RTL4: variants seen among roughly 807,000 people sequenced by gnomAD.
RTL4 encodes retrotransposon Gag-like protein 4.
Under a neutral mutation model 5.3 loss-of-function variants are expected in RTL4, and 4 were observed. The ratio of observed to expected loss-of-function variants is 0.75; its 90% CI spans 0.37 to 1.72. RTL4 has a LOEUF of 1.72. RTL4 is among the 40% of genes most tolerant of loss of function. RTL4 has a pLI of 0.04. For synonymous variants in RTL4, 98 were observed against 87.3 expected (o/e 1.12, Z -0.68); for missense variants, 260 against 227.1 (o/e 1.14, Z -0.93).
chrX:112,299,525 T>C, the RTL4 span, among the ~76,000 whole-genome samples: 1 of 111,986 alleles, frequency 8.9e-6, no homozygotes, highest in Non-Finnish European at 1.9e-5. Context: ...AAATGGCACC[T>C]GGGCCCTGGA....
the RTL4 span, among the ~76,000 whole-genome samples, chrX:112,260,087 C>T: frequency 9.0e-6 from 1 of 111,472 alleles, no homozygotes; most frequent in Admixed American, 9.6e-5. Context: ...AATTTTTGAT[C>T]CCCTTTGGAT....
the RTL4 span, among the ~76,000 whole-genome samples, chrX:112,120,338 G>A: frequency 2.7e-5 from 3 of 112,009 alleles, no homozygotes; most frequent in African/African-American, 9.7e-5. Context: ...GTGCAGTGGC[G>A]CTATCTCAGC....
chrX:112,112,579 C>A, the RTL4 span, among the ~76,000 whole-genome samples: 2 of 112,066 alleles, frequency 1.8e-5, no homozygotes, highest in African/African-American at 6.5e-5. Flanking sequence ...CAGACCTGGG[C>A]CTTTGATTTA....
At chrX:112,151,793 T>A in the RTL4 span, among the ~76,000 whole-genome samples, 2 of 111,820 alleles carry the variant, frequency 1.8e-5, no homozygotes, top group East Asian at 5.6e-4. Context: ...CTAACTATTT[T>A]TCAGCAATTC....
the RTL4 span, among the ~76,000 whole-genome samples, chrX:112,256,197 TA>T: frequency 8.9e-6 from 1 of 112,146 alleles, no homozygotes; most frequent in African/African-American, 3.2e-5. Context: ...TTAAAATGTA[TA>T]AAAAATGTAG....
the RTL4 span, among the ~76,000 whole-genome samples, chrX:112,107,345 T>C: frequency 8.9e-6 from 1 of 112,259 alleles, no homozygotes; most frequent in Non-Finnish European, 1.9e-5. Flanking sequence ...ATATAGGTGA[T>C]TTTCACACCA....
At chrX:112,448,117 A>G in the RTL4 span, among the ~76,000 whole-genome samples, 287 of 112,093 alleles carry the variant, frequency 2.6e-3, 1 homozygote, top group African/African-American at 8.5e-3. Context: ...GCAGTAAGTG[A>G]ACTGCACTTA....
the RTL4 span, among the ~76,000 whole-genome samples, chrX:112,155,608 C>T: frequency 9.0e-6 from 1 of 111,393 alleles, no homozygotes; most frequent in East Asian, 2.8e-4. Context: ...TTCAAAGCTA[C>T]TGTGGAGCTG....
chrX:112,396,855 T>G, the RTL4 span, among the ~76,000 whole-genome samples: 1 of 111,617 alleles, frequency 9.0e-6, no homozygotes, highest in Non-Finnish European at 1.9e-5. Flanking sequence ...TTTGATGGCC[T>G]TGACAGTGTT....
chrX:112,384,289 A>G, the RTL4 span, among the ~76,000 whole-genome samples: 2 of 112,110 alleles, frequency 1.8e-5, no homozygotes, highest in Admixed American at 9.5e-5. Flanking sequence ...GCCCATGCCT[A>G]TGTCCTAAAT....
the RTL4 span, among the ~76,000 whole-genome samples, chrX:112,144,289 G>A: frequency 9.0e-6 from 1 of 111,460 alleles, no homozygotes; most frequent in African/African-American, 3.3e-5. Context: ...GTCAGAGTGG[G>A]TATATTTATT....
the RTL4 span, among the ~76,000 whole-genome samples, chrX:112,353,008 A>C: frequency 0.011 from 1,206 of 112,130 alleles, 14 homozygotes; most frequent in African/African-American, 0.037. Context: ...CAACCCCATC[A>C]AAAAGTGGGC....
chrX:112,382,036 A>C, the RTL4 span: 3 of 1,208,857 alleles, frequency 2.5e-6, no homozygotes, highest in South Asian at 5.3e-5. Flanking sequence ...AAGCCCAGAA[A>C]CTAACGGCTA....
At chrX:112,221,268 A>G in the RTL4 span, among the ~76,000 whole-genome samples, 1 of 111,704 alleles carries the variant, frequency 9.0e-6, no homozygotes, top group South Asian at 3.8e-4. Context: ...TATCATAAGA[A>G]CAGCATGAGG....
At chrX:112,282,535 A>T in the RTL4 span, among the ~76,000 whole-genome samples, 1 of 112,041 alleles carries the variant, frequency 8.9e-6, no homozygotes, top group Non-Finnish European at 1.9e-5. Context: ...GAAAAATGTT[A>T]TGTGAATTTT....
chrX:112,450,354 T>C (rs1374092863), upstream of RTL4, among the ~76,000 whole-genome samples: 1 of 112,368 alleles, frequency 8.9e-6, no homozygotes, highest in Non-Finnish European at 1.9e-5. Flanking sequence ...AAATAAAAGC[T>C]TAAATGTATG....
chrX:112,156,389 A>G, the RTL4 span, among the ~76,000 whole-genome samples: 1 of 112,704 alleles, frequency 8.9e-6, no homozygotes, highest in African/African-American at 3.2e-5. Flanking sequence ...TCCTTCTGCT[A>G]ACAGATATCA....
chrX:112,295,416 C>CT, the RTL4 span, among the ~76,000 whole-genome samples: 1 of 112,212 alleles, frequency 8.9e-6, no homozygotes, highest in Non-Finnish European at 1.9e-5. Flanking sequence ...TAGAAATCTG[C>CT]TTCTCTTCTC....
At chrX:112,096,993 G>A in the RTL4 span, among the ~76,000 whole-genome samples, 1 of 112,325 alleles carries the variant, frequency 8.9e-6, no homozygotes, top group Admixed American at 9.4e-5. Context: ...AGAGATTAAA[G>A]TGTGCCTTTA....
Sources: gnomAD v4.1 joint callset for allele counts (sites outside exome capture counted in the v4.1 genomes callset) on GRCh38, gnomAD v4.1.1 for gene constraint, MANE v1.5 for transcripts, NCBI Gene and HGNC (gene_info 2026-07-23, HGNC 2026-07-21) for gene names.